Variants in ADGRV1 observed in about 807,000 individuals in gnomAD.
ADGRV1 encodes adhesion G protein-coupled receptor V1, also known as G-protein coupled receptor 98.
Under a neutral mutation model 596.2 loss-of-function variants are expected in ADGRV1, and 359 were observed. The observed-to-expected ratio is 0.60, with a 90% CI of 0.55 to 0.66. The LOEUF is 0.66. Ranked by LOEUF, ADGRV1 falls within the 30% of genes least tolerant of loss-of-function variation. The pLI is 0.00. For synonymous variants in ADGRV1, 2,681 were observed against 2,679.2 expected (o/e 1.00, Z -0.02); for missense variants, 7,274 against 7,575.6 (o/e 0.96, Z 1.48).
At chr5:90,688,913 G>C (rs1212400083) in intron 29 of ADGRV1, among the ~76,000 whole-genome samples, 1 of 152,088 alleles carries the variant, frequency 6.6e-6, no homozygotes, top group Non-Finnish European at 1.5e-5. Flanking sequence ...TTTGTGAAGA[G>C]CAAGGAAGAG....
intron 82 of ADGRV1, among the ~76,000 whole-genome samples, chr5:90,862,287 C>T (rs1282377895): frequency 6.2e-5 from 9 of 144,040 alleles, no homozygotes; most frequent in Non-Finnish European, 1.4e-4. Context: ...CAGCAGAGCA[C>T]ATATTTGTGA....
chr5:91,017,520 G>T (rs1783272718), intron 85 of ADGRV1, among the ~76,000 whole-genome samples: 1 of 151,920 alleles, frequency 6.6e-6, no homozygotes, highest in African/African-American at 2.4e-5. Flanking sequence ...TACAGGGGGT[G>T]ATTGCAGGCA....
At chr5:90,803,998 G>C (rs985947408) in intron 71 of ADGRV1, among the ~76,000 whole-genome samples, 1 of 152,180 alleles carries the variant, frequency 6.6e-6, no homozygotes, top group Non-Finnish European at 1.5e-5. Context: ...TTTGGTGTGT[G>C]TGTGCACGCA....
chr5:90,918,287 G>T (rs1299998682), intron 83 of ADGRV1, among the ~76,000 whole-genome samples: 1 of 152,160 alleles, frequency 6.6e-6, no homozygotes, highest in African/African-American at 2.4e-5. Flanking sequence ...GCCTGCAATG[G>T]TTTTATGACG....
At chr5:90,936,817 CAT>C (rs1366287085) in intron 83 of ADGRV1, among the ~76,000 whole-genome samples, 2 of 152,120 alleles carry the variant, frequency 1.3e-5, no homozygotes, top group South Asian at 2.1e-4. Context: ...ATTTCTTAAA[CAT>C]ATGGTTTTTT....
In ADGRV1 at chr5:90,788,194, A is replaced by G; in HGVS notation, c.13777A>G (p.Ile4593Val). 2 of 1,613,844 alleles carry G rather than the reference A, an allele frequency of 1.2e-6. No homozygotes were observed. The highest frequency in any genetic ancestry group is 2.2e-5 in the East Asian group (1 of 44,864). Reference sequence around the variant, plus strand: ...AGGAGAAGGAGGAGTGAGAACCATAATTCTGACAATCTATCCTCATGAAGA... The same window carrying G: ...AGGAGAAGGAGGAGTGAGAACCATAGTTCTGACAATCTATCCTCATGAAGA... ...GEGEGGVRTI[I>V]LTIYPHEEIE... The change falls in exon 68 of 90, where the codon ATT (isoleucine) becomes GTT (valine). Residue 4593 changes from isoleucine to valine, a missense_variant. Transcript: ENST00000405460.
chr5:91,064,401 G>A (rs1269177877), intron 85 of ADGRV1, among the ~76,000 whole-genome samples: 1 of 152,104 alleles, frequency 6.6e-6, no homozygotes, highest in Admixed American at 6.6e-5. Context: ...AACAATAATG[G>A]GTTCTAGTTA....
intron 21 of ADGRV1, among the ~76,000 whole-genome samples, chr5:90,660,646 G>T (rs1770139637): frequency 6.6e-6 from 1 of 152,074 alleles, no homozygotes; most frequent in Admixed American, 6.5e-5. Context: ...GAGGTGGGAG[G>T]ATCTCTTGAG....
chr5:91,007,096 G>A (rs941294173), intron 85 of ADGRV1, among the ~76,000 whole-genome samples: 6 of 152,198 alleles, frequency 3.9e-5, no homozygotes, highest in African/African-American at 1.2e-4. Context: ...GGAAAGTTGG[G>A]ATTGAAAAGA....
At chr5:90,760,931 GACCTT>G (rs1257270437) in intron 58 of ADGRV1, among the ~76,000 whole-genome samples, 1 of 152,068 alleles carries the variant, frequency 6.6e-6, no homozygotes, top group Non-Finnish European at 1.5e-5. Flanking sequence ...ATAATATTAT[GACCTT>G]ACCTTTCAAA....
chr5:91,134,687 T>C (rs1794490522), intron 87 of ADGRV1, among the ~76,000 whole-genome samples: 1 of 152,216 alleles, frequency 6.6e-6, no homozygotes, highest in African/African-American at 2.4e-5. Context: ...TTTCCTTATG[T>C]TAAGATTACT....
chr5:90,798,237 G>A (rs1318180709), intron 70 of ADGRV1, among the ~76,000 whole-genome samples: 1 of 152,102 alleles, frequency 6.6e-6, no homozygotes, highest in Non-Finnish European at 1.5e-5. Flanking sequence ...AAATGATATA[G>A]GGGATATCAC....
At chr5:90,847,526 G>T (rs956477100) in intron 78 of ADGRV1, among the ~76,000 whole-genome samples, 1 of 152,222 alleles carries the variant, frequency 6.6e-6, no homozygotes, top group Non-Finnish European at 1.5e-5. Context: ...ACACTCCTCA[G>T]CCCTTGGGCG....
chr5:90,960,495 T>TG (rs1213417947), intron 83 of ADGRV1, among the ~76,000 whole-genome samples: 1 of 152,188 alleles, frequency 6.6e-6, no homozygotes, highest in Non-Finnish European at 1.5e-5. Context: ...TTTAAGAACT[T>TG]GACAGTTTTC....
Position 90,781,295 on chromosome 5 carries a change from A to C in ADGRV1, c.13083-135A>C, listed in dbSNP as rs1444530523. ...AAAAGAGAATATTTTAGCGTTGAGG[A>C]TCTTTAAAAGTATTGCAGTACTTTA... On this transcript the variant is annotated intron_variant, in intron 64 of 89. Coordinates refer to ENST00000405460, the MANE Select transcript of ADGRV1 (RefSeq NM_032119.4). 3 of 722,848 alleles carry C rather than the reference A, an allele frequency of 4.2e-6. No individual in the cohort carries two copies. The African/African-American group carries it at 5.3e-5, about 13-fold the overall frequency. 44.8% of individuals were successfully genotyped at this position (722,848 alleles called of 1,614,324 possible). A position where few individuals can be genotyped will look rare whatever the true frequency, so the allele number is the denominator to read the frequency against.
chr5:90,586,717 A>T (rs924426786), intron 1 of ADGRV1, among the ~76,000 whole-genome samples: 14 of 152,200 alleles, frequency 9.2e-5, no homozygotes, highest in Admixed American at 7.9e-4. Flanking sequence ...GTCTGGCTCT[A>T]TCACTTTAGT....
At chr5:90,807,512 A>G (rs2150210272) in intron 72 of ADGRV1, 90 bp from the exon 73 acceptor site, 1 of 1,256,464 alleles carries the variant, frequency 8.0e-7, no homozygotes, top group South Asian at 1.9e-5. Context: ...AATTTTGGAA[A>G]AGAAAATACA....
At position 90,947,241 on chromosome 5, in the gene ADGRV1, T is replaced by C. The variant is rs181257760; in HGVS notation, c.17857-18174T>C. On this transcript the variant is annotated intron_variant, in intron 83 of 89. Coordinates refer to ENST00000405460, the MANE Select transcript of ADGRV1 (RefSeq NM_032119.4). ...TTTGCATTTCTCTAACAATCAGTGA[T>C]ATCGAGCTTTTTCTTCATATGTTTG... 1.5e-3 allele frequency among the ~76,000 whole-genome samples: 236 copies of C among 152,316 alleles called. 2 individuals are homozygous for C. The highest frequency in any genetic ancestry group is 0.012 in the South Asian group (59 of 4,824).
chr5:90,784,254 C>G (rs1240252574), intron 67 of ADGRV1, among the ~76,000 whole-genome samples, 197 bp downstream of exon 67: 1 of 151,968 alleles, frequency 6.6e-6, no homozygotes, highest in Non-Finnish European at 1.5e-5. Flanking sequence ...CTCAGGGAAC[C>G]TTGAGGGCTT....
Sources: gnomAD v4.1 joint callset for allele counts (sites outside exome capture counted in the v4.1 genomes callset) on GRCh38, gnomAD v4.1.1 for gene constraint, MANE v1.5 for transcripts, NCBI Gene and HGNC (gene_info 2026-07-23, HGNC 2026-07-21) for gene names.